CCDC33: variants seen among roughly 807,000 people sequenced by gnomAD.
CCDC33 encodes the protein coiled-coil domain-containing protein 33.
CCDC33 carries 94 observed loss-of-function variants against 91.9 expected under a neutral mutation model. The observed-to-expected ratio is 1.02, with a 90% confidence interval of 0.87 to 1.21. CCDC33 has a LOEUF of 1.21. Among genes scored for constraint, CCDC33 ranks in the 50% most tolerant of loss-of-function variants. The pLI, the probability that CCDC33 is intolerant of heterozygous loss-of-function variation, is 0.00. For missense variants in CCDC33, 940 were observed against 935.5 expected (o/e 1.00, Z -0.06); for synonymous variants, 396 against 374.5 (o/e 1.06, Z -0.66).
intron 2 of CCDC33, among the ~76,000 whole-genome samples, chr15:74,261,410 A>C (rs112905122): frequency 0.027 from 4,048 of 152,306 alleles, 121 homozygotes; most frequent in African/African-American, 0.075. Flanking sequence ...ATGCACAGAG[A>C]AGGTGGGGTC....
chr15:74,279,961 A>G lies in CCDC33; in HGVS notation c.760-2A>G, dbSNP rs757220070. ...CCACCTGCTCCTACCCTCTCCCTCCAGCTGTCCAAGCCTGGGGGACCCCCA... is the reference window on the plus strand; with the variant it reads ...CCACCTGCTCCTACCCTCTCCCTCCGGCTGTCCAAGCCTGGGGGACCCCCA... On this transcript the variant is annotated splice_acceptor_variant, in intron 7 of 18. Coordinates refer to ENST00000398814, the MANE Select transcript of CCDC33 (RefSeq NM_025055.5). LOFTEE classifies it high-confidence loss of function. 43 of 1,613,672 alleles carry G rather than the reference A, an allele frequency of 2.7e-5. No individual in the cohort carries two copies. The highest frequency in any genetic ancestry group is 3.6e-5 in the Non-Finnish European group (42 of 1,179,818).
rs562836587 is a variant in CCDC33 at position 74,315,967 on chromosome 15, C to A, written c.1291-14222C>A. 2.6e-5 allele frequency among the ~76,000 whole-genome samples: 4 copies of A among 152,214 alleles called. No homozygotes were observed. In the South Asian group the frequency reaches 8.3e-4, roughly 32 times the overall value. ...TGTACTGCCCTCCTCTCCCTCCCCA[C>A]TCCAGCCAGGCACCTGCCCTGTTTC... On this transcript the variant is annotated intron_variant, in intron 11 of 18. Coordinates refer to ENST00000398814, the MANE Select transcript of CCDC33 (RefSeq NM_025055.5).
In CCDC33 at chr15:74,223,897, TG is replaced by T. The variant is rs2074700567; in HGVS notation, c.675+5041del. Among the ~76,000 whole-genome samples the T allele has an allele frequency of 3.9e-5, 6 of 151,964 alleles. No homozygotes were observed. In the South Asian group the frequency reaches 1.2e-3, roughly 32 times the overall value. On this transcript the variant is annotated intron_variant, in intron 2 of 2. Transcript: ENST00000635913. ...CCTTTTCCTTGAGTAAACACGATCA[TG>T]GGGGCTCCCCCTTGAGTAGGGGGTG...
At chr15:74,207,634 T>G in intron 1 of CCDC33, 1 of 1,453,252 alleles carries the variant, frequency 6.9e-7, no homozygotes, top group Non-Finnish European at 9.3e-7. Context: ...CCAACTTCGA[T>G]AGCACGGAAG....
intron 11 of CCDC33, among the ~76,000 whole-genome samples, chr15:74,325,363 T>C (rs997706188): frequency 6.6e-6 from 1 of 152,066 alleles, no homozygotes; most frequent in African/African-American, 2.4e-5. Context: ...CAGTGTCTCC[T>C]CTGCCCAAGA....
chr15:74,308,350 G>GACAC (rs1220945672), intron 11 of CCDC33, among the ~76,000 whole-genome samples: 1 of 146,446 alleles, frequency 6.8e-6, no homozygotes, highest in Non-Finnish European at 1.5e-5. Flanking sequence ...CATGTGTGCA[G>GACAC]ACAGACAGAC....
intron 11 of CCDC33, among the ~76,000 whole-genome samples, chr15:74,310,601 G>C (rs2059974554): frequency 6.6e-6 from 1 of 152,144 alleles, no homozygotes; most frequent in Non-Finnish European, 1.5e-5. Context: ...GGTGGTCAGG[G>C]GGCATCCTGA....
At position 74,331,269 on chromosome 15, in the gene CCDC33, A is replaced by G. The variant is rs2060432174; in HGVS notation, c.1744A>G (p.Asn582Asp). The change falls in exon 15 of 19, where the codon AAC (asparagine) becomes GAC (aspartate). Residue 582 changes from asparagine (N) to aspartate (D), a missense_variant. Physicochemically the swap from Asn to Asp is conservative, Grantham distance 23. Transcript: ENST00000398814. ...LQDRSKPPPL[N>D]RQQGKPYTGF... ...GGACAGGAGCAAGCCCCCTCCTCTGAACAGGCAGCAGGGAAAGCCCTACAC... is the reference window on the plus strand; with the variant it reads ...GGACAGGAGCAAGCCCCCTCCTCTGGACAGGCAGCAGGGAAAGCCCTACAC... 1.2e-6 allele frequency: 2 copies of G among 1,613,930 alleles called. No homozygotes were observed. The highest frequency in any genetic ancestry group is 2.7e-5 in the African/African-American group (2 of 74,900).
intron 11 of CCDC33, among the ~76,000 whole-genome samples, chr15:74,296,567 G>A (rs369143140): frequency 7.9e-5 from 12 of 152,046 alleles, no homozygotes; most frequent in South Asian, 4.2e-4. Context: ...TGGAGGTTGC[G>A]GTGAGCCAAG....
intron 1 of CCDC33, chr15:74,203,206 A>C: frequency 1.0e-6 from 1 of 972,910 alleles, no homozygotes; most frequent in Non-Finnish European, 1.2e-6. Context: ...CTCATTGGTA[A>C]ACCCTTTTTG....
intron 11 of CCDC33, among the ~76,000 whole-genome samples, chr15:74,310,644 G>A (rs572841485): frequency 2.4e-4 from 36 of 152,334 alleles, no homozygotes; most frequent in African/African-American, 7.7e-4. Flanking sequence ...CGCCAGCAGC[G>A]AGAGTGCTGC....
At chr15:74,275,467 C>T (rs554558464) in intron 7 of CCDC33, among the ~76,000 whole-genome samples, 14 of 152,268 alleles carry the variant, frequency 9.2e-5, no homozygotes, top group African/African-American at 2.6e-4. Context: ...CAACTTGGAT[C>T]GGCTTAAATA....
chr15:74,330,452 A>C (rs1352449420), intron 12 of CCDC33, 98 bp downstream of exon 12: 2 of 1,356,504 alleles, frequency 1.5e-6, no homozygotes, highest in Non-Finnish European at 2.0e-6. Flanking sequence ...CCAGATGTGC[A>C]TGCTGCTGGA....
intron 11 of CCDC33, among the ~76,000 whole-genome samples, chr15:74,319,886 C>T (rs1202758650): frequency 1.3e-5 from 2 of 152,214 alleles, no homozygotes; most frequent in Admixed American, 1.3e-4. Context: ...AGCACAAAAG[C>T]TTTCTAGGCA....
At chr15:74,327,683 GA>G (rs1220373986) in intron 11 of CCDC33, among the ~76,000 whole-genome samples, 1 of 152,120 alleles carries the variant, frequency 6.6e-6, no homozygotes, top group Non-Finnish European at 1.5e-5. Context: ...CAAAACAGCT[GA>G]GTTGGAGAAC....
chr15:74,272,693 A>G (rs968765966), intron 6 of CCDC33, 78 bp from the exon 7 acceptor site: 3 of 1,560,704 alleles, frequency 1.9e-6, no homozygotes, highest in African/African-American at 2.7e-5. Flanking sequence ...ATCAACCCAG[A>G]GTCTAAGCGG....
intron 10 of CCDC33, among the ~76,000 whole-genome samples, chr15:74,290,369 G>T (rs1002265215): frequency 1.1e-4 from 17 of 151,928 alleles, no homozygotes; most frequent in Non-Finnish European, 2.4e-4. Context: ...GTAGAGATGG[G>T]GTTTCACCAT....
chr15:74,330,120 G>A (rs1167277288), intron 11 of CCDC33, 69 bp from the exon 12 acceptor site: 2 of 1,506,212 alleles, frequency 1.3e-6, no homozygotes, highest in Non-Finnish European at 1.8e-6. Context: ...ACTTTCAAGT[G>A]TAGATGTGGA....
At chr15:74,229,665 C>T (rs1369244641) in intron 2 of CCDC33, among the ~76,000 whole-genome samples, 5 of 152,350 alleles carry the variant, frequency 3.3e-5, no homozygotes, top group Non-Finnish European at 5.9e-5. Context: ...CGAGAAGGCA[C>T]TGGGGGCTTG....
Sources: gnomAD v4.1 joint callset for allele counts (sites outside exome capture counted in the v4.1 genomes callset) on GRCh38, gnomAD v4.1.1 for gene constraint, MANE v1.5 for transcripts, NCBI Gene and HGNC (gene_info 2026-07-23, HGNC 2026-07-21) for gene names.